NRG3: variants seen among roughly 807,000 people sequenced by gnomAD.
The protein encoded by NRG3 is pro-neuregulin-3, membrane-bound isoform.
In NRG3, 31 loss-of-function variants were observed where a neutral mutation model predicts 66.9. The observed-to-expected ratio is 0.46, with a 90% CI of 0.35 to 0.63. The LOEUF (loss-of-function observed/expected upper bound fraction) is 0.63, where lower values mean the gene tolerates loss of function less well. NRG3 is among the 20% of genes least tolerant of loss of function. NRG3 has a pLI of 0.00. For synonymous variants in NRG3, 393 were observed against 359.4 expected (o/e 1.09, Z -1.06); for missense variants, 910 against 878.9 (o/e 1.04, Z -0.45).
At chr10:82,588,446 A>C (rs1464333479) in intron 2 of NRG3, among the ~76,000 whole-genome samples, 5 of 152,086 alleles carry the variant, frequency 3.3e-5, no homozygotes, top group African/African-American at 1.2e-4. Context: ...GGCTCTCACC[A>C]GAAGCAGATG....
intron 1 of NRG3, among the ~76,000 whole-genome samples, chr10:81,969,486 A>G (rs539132877): frequency 6.6e-6 from 1 of 152,266 alleles, no homozygotes; most frequent in Admixed American, 6.5e-5. Context: ...AGAGAGAGAG[A>G]GGAAACAGGC....
chr10:81,980,539 T>C (rs1234097079), intron 1 of NRG3, among the ~76,000 whole-genome samples: 1 of 152,212 alleles, frequency 6.6e-6, no homozygotes, highest in Non-Finnish European at 1.5e-5. Context: ...AAGTAATCTT[T>C]ATTTTAAGGA....
intron 3 of NRG3, among the ~76,000 whole-genome samples, chr10:82,754,841 A>G (rs2059015711): frequency 6.6e-6 from 1 of 152,140 alleles, no homozygotes; most frequent in Non-Finnish European, 1.5e-5. Context: ...ACTGGTGTGT[A>G]ATATCATGGT....
At chr10:82,819,146 T>G (rs111579149) in intron 3 of NRG3, among the ~76,000 whole-genome samples, 6,655 of 152,312 alleles carry the variant, frequency 0.044, 198 homozygotes, top group Middle Eastern at 0.099. Context: ...CACATTAATT[T>G]TTTAAAATAA....
At chr10:82,673,548 G>A (rs2053452376) in intron 2 of NRG3, among the ~76,000 whole-genome samples, 1 of 152,208 alleles carries the variant, frequency 6.6e-6, no homozygotes, top group South Asian at 2.1e-4. Flanking sequence ...ATTGCTGACA[G>A]ATCAGATGTG....
At chr10:82,669,299 A>G (rs1363286663) in intron 2 of NRG3, among the ~76,000 whole-genome samples, 1 of 150,446 alleles carries the variant, frequency 6.6e-6, no homozygotes. Context: ...CAGAAATAAC[A>G]AAGTAACTGT....
rs984496192 is a variant in NRG3 at position 82,024,528 on chromosome 10, G to T, written c.823+148365G>T. ...GTTTTCATTATATTTCTGTTAAACA[G>T]TGCTGCCTAAGATAGTGCTTATGGA... On this transcript the variant is annotated intron_variant, in intron 1 of 8. Transcript: ENST00000372141. Among the ~76,000 whole-genome samples the T allele has an allele frequency of 5.9e-5, 9 of 151,968 alleles. No homozygotes were observed. The South Asian group carries it at 1.7e-3, about 28-fold the overall frequency.
rs74541330 is a variant in NRG3 at position 82,200,309 on chromosome 10, A to G, written c.824-158430A>G. 5.3e-5 allele frequency among the ~76,000 whole-genome samples: 8 copies of G among 152,304 alleles called. No individual in the cohort carries two copies. The East Asian group carries it at 1.5e-3, about 29-fold the overall frequency. ...CTTACTGACTCCTGTACCAGACTGG[A>G]TATTTCCTGACACACTGATATGAAC... On this transcript the variant is annotated intron_variant, in intron 1 of 8. Transcript: ENST00000372141.
intron 2 of NRG3, among the ~76,000 whole-genome samples, chr10:82,477,393 G>A (rs1158788201): frequency 6.6e-6 from 1 of 152,086 alleles, no homozygotes; most frequent in African/African-American, 2.4e-5. Flanking sequence ...ACCACTAAGG[G>A]CTTTAATGTA....
chr10:82,744,476 T>A (rs1198498338), intron 3 of NRG3, among the ~76,000 whole-genome samples: 1 of 152,112 alleles, frequency 6.6e-6, no homozygotes, highest in African/African-American at 2.4e-5. Context: ...TTGAATCCTA[T>A]TCATGAGGAT....
chr10:82,919,534 C>T (rs1846217489), intron 4 of NRG3, among the ~76,000 whole-genome samples: 1 of 152,146 alleles, frequency 6.6e-6, no homozygotes, highest in African/African-American at 2.4e-5. Context: ...CCTTTTAAGA[C>T]TCTCAGCTAC....
intron 2 of NRG3, among the ~76,000 whole-genome samples, chr10:82,521,710 T>A (rs1252907015): frequency 6.6e-6 from 1 of 152,150 alleles, no homozygotes; most frequent in Admixed American, 6.5e-5. Flanking sequence ...GTGAAAGATT[T>A]CTCTGTAGCA....
At chr10:82,860,314 AG>A (rs1228376881) in intron 3 of NRG3, among the ~76,000 whole-genome samples, 1 of 152,220 alleles carries the variant, frequency 6.6e-6, no homozygotes, top group Non-Finnish European at 1.5e-5. Context: ...ACTCTGCCTG[AG>A]GATACTTGAA....
intron 1 of NRG3, among the ~76,000 whole-genome samples, chr10:81,961,110 A>G (rs1850316718): frequency 6.6e-6 from 1 of 152,190 alleles, no homozygotes; most frequent in Admixed American, 6.5e-5. Context: ...TCAGAATGCT[A>G]TAATGAAGGA....
intron 3 of NRG3, among the ~76,000 whole-genome samples, chr10:82,830,185 T>A (rs2062446217): frequency 6.6e-6 from 1 of 152,180 alleles, no homozygotes; most frequent in African/African-American, 2.4e-5. Context: ...TATTAAAAGC[T>A]CAGAATAGTC....
At chr10:82,377,285 GACA>G (rs1442441185) in intron 2 of NRG3, among the ~76,000 whole-genome samples, 1 of 152,148 alleles carries the variant, frequency 6.6e-6, no homozygotes, top group African/African-American at 2.4e-5. Flanking sequence ...TATAGGCAGG[GACA>G]ACAAGGATGC....
intron 3 of NRG3, among the ~76,000 whole-genome samples, chr10:82,832,519 G>T (rs1250991751): frequency 6.6e-6 from 1 of 152,090 alleles, no homozygotes; most frequent in African/African-American, 2.4e-5. Context: ...GCAATATTAA[G>T]GGAGTCTATA....
At chr10:82,957,911 TG>T (rs1850230663) in intron 5 of NRG3, among the ~76,000 whole-genome samples, 2 of 151,972 alleles carry the variant, frequency 1.3e-5, no homozygotes, top group African/African-American at 4.8e-5. Context: ...TGTGTGTGTG[TG>T]TGTGTGTGTG....
chr10:82,350,720 A>G (rs2083381849), intron 1 of NRG3, among the ~76,000 whole-genome samples: 1 of 152,174 alleles, frequency 6.6e-6, no homozygotes, highest in South Asian at 2.1e-4. Flanking sequence ...AGCTCAAGAA[A>G]TGTGGGAAAG....
Sources: gnomAD v4.1 joint callset for allele counts (sites outside exome capture counted in the v4.1 genomes callset) on GRCh38, gnomAD v4.1.1 for gene constraint, MANE v1.5 for transcripts, NCBI Gene and HGNC (gene_info 2026-07-23, HGNC 2026-07-21) for gene names.